Variants in RIMS2 observed in about 807,000 individuals in gnomAD.
RIMS2 encodes regulating synaptic membrane exocytosis 2, also known as regulating synaptic membrane exocytosis protein 2.
In RIMS2, 59 loss-of-function variants were observed where a neutral mutation model predicts 174.4. The ratio of observed to expected loss-of-function variants is 0.34; its 90% confidence interval spans 0.27 to 0.42. The LOEUF (loss-of-function observed/expected upper bound fraction) is 0.42. Ranked by LOEUF, RIMS2 falls within the 10% of genes least tolerant of loss-of-function variation. The pLI is 1.00. For missense variants in RIMS2, 1,620 were observed against 1,666.3 expected (o/e 0.97, Z 0.48); for synonymous variants, 606 against 572.5 (o/e 1.06, Z -0.84).
At chr8:103,645,317 A>G (rs1368018433) in intron 1 of RIMS2, among the ~76,000 whole-genome samples, 6 of 152,136 alleles carry the variant, frequency 3.9e-5, no homozygotes, top group Non-Finnish European at 7.4e-5. Context: ...TGAATTTTAT[A>G]AAGAGAATAC....
At chr8:103,892,841 T>C in intron 4 of RIMS2, among the ~76,000 whole-genome samples, 1 of 152,064 alleles carries the variant, frequency 6.6e-6, no homozygotes, top group East Asian at 1.9e-4. Context: ...GGCTGTTATG[T>C]TGGATTGGAA....
At chr8:103,999,610 T>C (rs1289589904) in intron 17 of RIMS2, among the ~76,000 whole-genome samples, 1 of 151,748 alleles carries the variant, frequency 6.6e-6, no homozygotes, top group Admixed American at 6.6e-5. Flanking sequence ...GTGGGTGACA[T>C]ACATGAATGA....
chr8:104,017,656 A>T (rs893809784), intron 19 of RIMS2, among the ~76,000 whole-genome samples: 2 of 152,172 alleles, frequency 1.3e-5, no homozygotes, highest in African/African-American at 2.4e-5. Flanking sequence ...TCCACATATT[A>T]CAAATATTTT....
intron 1 of RIMS2, among the ~76,000 whole-genome samples, chr8:103,603,295 A>G (rs534384196): frequency 6.6e-5 from 10 of 151,480 alleles, no homozygotes; most frequent in Admixed American, 2.6e-4. Context: ...ATGCTTTCCA[A>G]TTTCATCCAT....
intron 1 of RIMS2, among the ~76,000 whole-genome samples, chr8:103,675,836 A>T (rs945389946): frequency 1.3e-5 from 2 of 152,138 alleles, no homozygotes; most frequent in African/African-American, 4.8e-5. Flanking sequence ...TTTATAAGGA[A>T]TTCTGGTTTG....
intron 14 of RIMS2, among the ~76,000 whole-genome samples, chr8:103,946,687 T>A (rs2083885108): frequency 6.6e-6 from 1 of 152,110 alleles, no homozygotes; most frequent in South Asian, 2.1e-4. Context: ...TGGTAGCTCT[T>A]CCCCCAATTA....
rs2093249716 is a variant in RIMS2 at position 103,576,502 on chromosome 8, C to T, written c.176+75440C>T. On this transcript the variant is annotated intron_variant, in intron 1 of 23. Transcript: ENST00000504942. ...GAGAACGAATGAAACCAGTGGCTGA[C>T]CCTAACGAGACAGCCATATGTGAAC... 3.9e-5 allele frequency among the ~76,000 whole-genome samples: 6 copies of T among 152,264 alleles called. No homozygotes were observed. In the South Asian group the frequency reaches 1.0e-3, roughly 26 times the overall value.
At chr8:103,837,938 C>T (rs1593476888) in intron 3 of RIMS2, among the ~76,000 whole-genome samples, 1 of 133,640 alleles carries the variant, frequency 7.5e-6, no homozygotes, top group African/African-American at 2.9e-5. Context: ...TTCTTTCTTT[C>T]TCTTTTTTTT....
intron 3 of RIMS2, among the ~76,000 whole-genome samples, chr8:103,850,221 T>C (rs2098990073): frequency 6.6e-6 from 1 of 152,084 alleles, no homozygotes; most frequent in Non-Finnish European, 1.5e-5. Context: ...CAATTACATA[T>C]GACCGTATAT....
intron 2 of RIMS2, among the ~76,000 whole-genome samples, chr8:103,728,543 C>G (rs546414865): frequency 1.8e-4 from 28 of 152,132 alleles, no homozygotes; most frequent in African/African-American, 6.7e-4. Context: ...GTTCCCTGTT[C>G]AGTATGTTAC....
At chr8:103,797,800 C>T (rs1028214740) in intron 3 of RIMS2, among the ~76,000 whole-genome samples, 5 of 152,124 alleles carry the variant, frequency 3.3e-5, no homozygotes, top group Admixed American at 6.6e-5. Flanking sequence ...GAATGTCTTG[C>T]TTTTTTTCCA....
At chr8:103,952,567 TCAACAAAAAGGACG>T (rs2085756825) in intron 14 of RIMS2, among the ~76,000 whole-genome samples, 1 of 152,000 alleles carries the variant, frequency 6.6e-6, no homozygotes, top group Non-Finnish European at 1.5e-5. Context: ...AGTATTAACA[TCAACAAAAAGGACG>T]TCCACTCAGA....
intron 19 of RIMS2, among the ~76,000 whole-genome samples, chr8:104,209,031 A>G (rs924240278): frequency 6.6e-6 from 1 of 152,260 alleles, no homozygotes; most frequent in Non-Finnish European, 1.5e-5. Context: ...AAAGCTTTAA[A>G]TATCTATACA....
intron 16 of RIMS2, 100 bp from the exon 19 acceptor site, chr8:103,989,205 T>G: frequency 2.8e-6 from 2 of 726,682 alleles, no homozygotes. Flanking sequence ...GACTTCACCA[T>G]ATAGTGACTT....
intron 2 of RIMS2, among the ~76,000 whole-genome samples, chr8:103,753,830 T>G (rs544841434): frequency 2.0e-5 from 3 of 152,240 alleles, no homozygotes; most frequent in African/African-American, 7.2e-5. Flanking sequence ...TTCTTCTTTA[T>G]TAGTCTTGCT....
intron 3 of RIMS2, among the ~76,000 whole-genome samples, chr8:103,770,910 A>G (rs1329245496): frequency 2.0e-5 from 3 of 152,214 alleles, no homozygotes; most frequent in Non-Finnish European, 1.5e-5. Flanking sequence ...TTTCAATACC[A>G]TTCAGAAACC....
chr8:104,100,997 G>A (rs986912797), intron 19 of RIMS2, among the ~76,000 whole-genome samples: 2,736 of 126,364 alleles, frequency 0.022, 115 homozygotes, highest in African/African-American at 0.084. Context: ...TATAGTATAT[G>A]TTATATATGA....
intron 1 of RIMS2, among the ~76,000 whole-genome samples, chr8:103,634,382 G>T (rs1479864528): frequency 6.6e-6 from 1 of 152,202 alleles, no homozygotes; most frequent in Non-Finnish European, 1.5e-5. Flanking sequence ...TGACCTGACA[G>T]TGTGTTTGGT....
chr8:104,113,698 T>TAC (rs2098233583), intron 19 of RIMS2, among the ~76,000 whole-genome samples: 1 of 151,620 alleles, frequency 6.6e-6, no homozygotes, highest in South Asian at 2.1e-4. Flanking sequence ...ATCATATATA[T>TAC]ACATATAATA....
Sources: gnomAD v4.1 joint callset for allele counts (sites outside exome capture counted in the v4.1 genomes callset) on GRCh38, gnomAD v4.1.1 for gene constraint, MANE v1.5 for transcripts, NCBI Gene and HGNC (gene_info 2026-07-23, HGNC 2026-07-21) for gene names.